Variants in IQGAP1 observed in about 807,000 individuals in gnomAD.
IQGAP1 encodes the protein IQ motif containing GTPase activating protein 1, also known as ras GTPase-activating-like protein IQGAP1.
Under a neutral mutation model 215.6 loss-of-function variants are expected in IQGAP1, and 66 were observed. The observed-to-expected ratio is 0.31, with a 90% CI of 0.25 to 0.38. The LOEUF (loss-of-function observed/expected upper bound fraction) is 0.38, where lower values mean the gene tolerates loss of function less well. IQGAP1 is among the 10% of genes least tolerant of loss of function. The probability of loss-of-function intolerance (pLI) is 1.00; values close to 1 mark genes in which losing one functional copy is unlikely to be tolerated. For synonymous variants in IQGAP1, 772 were observed against 728.7 expected, an observed-to-expected ratio of 1.06 and a Z score of -0.96; for missense variants, 1,712 against 1,997.1, an observed-to-expected ratio of 0.86 and a Z score of 2.72.
intron 37 of IQGAP1, among the ~76,000 whole-genome samples, chr15:90,498,804 C>T (rs1335307428): frequency 1.6e-5 from 2 of 123,442 alleles, no homozygotes; most frequent in African/African-American, 6.4e-5. Flanking sequence ...CACACCATCA[C>T]GCCCGGCTAA....
chr15:90,449,434 C>T, intron 10 of IQGAP1, 125 bp from the exon 11 acceptor site: 1 of 752,780 alleles, frequency 1.3e-6, no homozygotes, highest in South Asian at 2.0e-5. Flanking sequence ...CTGCATGTAG[C>T]CTGAGCTGTC....
chr15:90,481,883 T>C (rs571641197), intron 26 of IQGAP1, 77 bp from the exon 27 acceptor site: 251 of 1,482,436 alleles, frequency 1.7e-4, no homozygotes, highest in Non-Finnish European at 2.2e-4. Flanking sequence ...TTATAGTTTA[T>C]GAAAGATAAG....
intron 10 of IQGAP1, 80 bp downstream of exon 10, chr15:90,448,816 G>A (rs1965560480): frequency 1.6e-6 from 2 of 1,212,292 alleles, no homozygotes; most frequent in Admixed American, 8.1e-5. Context: ...AGATATATAT[G>A]CTGCCTTTGT....
At chr15:90,390,403 A>G (rs1353743043) in intron 1 of IQGAP1, among the ~76,000 whole-genome samples, 1 of 152,228 alleles carries the variant, frequency 6.6e-6, no homozygotes, top group African/African-American at 2.4e-5. Flanking sequence ...ACTGCCACTT[A>G]TGTCTCAATA....
intron 33 of IQGAP1, among the ~76,000 whole-genome samples, chr15:90,490,899 C>T (rs1966193693): frequency 6.6e-6 from 1 of 152,216 alleles, no homozygotes; most frequent in Non-Finnish European, 1.5e-5. Context: ...AGCTCCACCT[C>T]CTGGGTTCAC....
intron 11 of IQGAP1, among the ~76,000 whole-genome samples, chr15:90,450,815 G>GT (rs74753086): frequency 0.22 from 27,497 of 126,882 alleles, 3,786 homozygotes; most frequent in African/African-American, 0.41. Context: ...GTTTTTTTTT[G>GT]TTTTTTTTTT....
chr15:90,482,827 A>G (rs962210938), intron 28 of IQGAP1: 67 of 592,660 alleles, frequency 1.1e-4, no homozygotes, highest in Non-Finnish European at 1.3e-4. Flanking sequence ...TGTGGAAGAG[A>G]TGTGTGTTAA....
chr15:90,492,619 T>C lies in IQGAP1; in HGVS notation c.4536T>C (p.Ala1512=). 1 of 1,614,114 alleles carries C rather than the reference T, an allele frequency of 6.2e-7. No individual in the cohort carries two copies. The highest frequency in any genetic ancestry group is 8.5e-7 in the Non-Finnish European group (1 of 1,179,996). ...TGAAACTGCAACAGACATACGCTGC[T>C]CTGAACTCTAAGGCCACCTTTTATG... ...ELVKLQQTYA[A]LNSKATFYGE... Residue 1512 remains alanine, a synonymous_variant, in exon 35 of 38, where the codon GCT becomes GCC. Transcript: ENST00000268182.
chr15:90,495,372 G>A (rs1966257074), intron 36 of IQGAP1, among the ~76,000 whole-genome samples: 1 of 146,116 alleles, frequency 6.8e-6, no homozygotes, highest in Non-Finnish European at 1.5e-5. Context: ...TCTTTTGTCT[G>A]TTTAGGGGGG....
intron 33 of IQGAP1, 91 bp from the exon 34 acceptor site, chr15:90,491,242 C>T (rs1966199380): frequency 9.5e-7 from 1 of 1,049,118 alleles, no homozygotes; most frequent in Admixed American, 2.4e-5. Context: ...AGTTTAAGAA[C>T]TGTATAAGTT....
At chr15:90,451,925 G>T (rs1343184716) in intron 11 of IQGAP1, among the ~76,000 whole-genome samples, 1 of 151,830 alleles carries the variant, frequency 6.6e-6, no homozygotes, top group East Asian at 1.9e-4. Flanking sequence ...TGACTCCCTG[G>T]TTCAAGCGAT....
chr15:90,415,934 C>G (rs1965040607), intron 2 of IQGAP1, among the ~76,000 whole-genome samples: 1 of 152,152 alleles, frequency 6.6e-6, no homozygotes, highest in South Asian at 2.1e-4. Context: ...TTCTCTACCA[C>G]AGTGACTTAC....
In IQGAP1 at chr15:90,494,815, T is replaced by C. The variant is rs1966250568; in HGVS notation, c.4731T>C (p.Ile1577=). Residue 1577 remains isoleucine (I), a synonymous_variant, in exon 36 of 38, where the codon ATT becomes ATC. Coordinates refer to ENST00000268182, the MANE Select transcript of IQGAP1 (RefSeq NM_003870.4). ...ATGAAAAAGGAGTTCTTCTGGAAAT[T>C]GAGGACCTGCAAGTGAATCAGTGAG... is the stretch of plus-strand genomic sequence containing the variant. ...RLHEKGVLLE[I]EDLQVNQFKN... 2 of 1,606,542 alleles carry C rather than the reference T, an allele frequency of 1.2e-6. No homozygotes were observed. Among genetic ancestry groups the C allele is most frequent in the South Asian group, 2.2e-5 (2 of 89,944 alleles).
chr15:90,492,470 A>AGCATTGCT (rs1279982702), intron 34 of IQGAP1, 75 bp from the exon 35 acceptor site: 20 of 1,086,962 alleles, frequency 1.8e-5, no homozygotes, highest in Non-Finnish European at 2.4e-5. Context: ...GGCAGAGTTA[A>AGCATTGCT]GCATTGCTGG....
rs1333178389 is a variant in IQGAP1 at position 90,501,150 on chromosome 15, A to G, written c.*1042A>G. 2 of 40,926 alleles carry G rather than the reference A, an allele frequency of 4.9e-5. No individual in the cohort carries two copies. The highest frequency in any genetic ancestry group is 1.2e-4 in the Non-Finnish European group (2 of 16,018). 2.5% of individuals were successfully genotyped at this position (40,926 alleles called of 1,614,324 possible). A position where few individuals can be genotyped will look rare whatever the true frequency, so the allele number is the denominator to read the frequency against. On this transcript the variant is annotated 3_prime_UTR_variant, in exon 38 of 38. Coordinates refer to ENST00000268182, the MANE Select transcript of IQGAP1 (RefSeq NM_003870.4). ...AGCTAAAACACTAGGATTTATCTGC[A>G]GTGTTCAGGGAGATAATTCTGCCTT...
At chr15:90,497,363 CA>C (rs548243322) in intron 37 of IQGAP1, 23 bp downstream of exon 37, 2 of 1,184,694 alleles carry the variant, frequency 1.7e-6, no homozygotes, top group Non-Finnish European at 2.5e-6. Flanking sequence ...CAGCAGGAAC[CA>C]AAAACTTTCT....
chr15:90,454,604 G>A (rs1965653474), intron 14 of IQGAP1, 52 bp downstream of exon 14: 2 of 1,493,322 alleles, frequency 1.3e-6, no homozygotes, highest in East Asian at 4.9e-5. Context: ...ATGATGATGT[G>A]ATTCCATGAA....
chr15:90,410,046 T>C (rs1277457711), intron 2 of IQGAP1, among the ~76,000 whole-genome samples: 3 of 152,228 alleles, frequency 2.0e-5, no homozygotes, highest in African/African-American at 7.2e-5. Flanking sequence ...GTTCTGGATA[T>C]TAGCCCTTTG....
intron 15 of IQGAP1, among the ~76,000 whole-genome samples, chr15:90,464,284 C>G (rs891717484): frequency 1.3e-5 from 2 of 152,088 alleles, no homozygotes; most frequent in Non-Finnish European, 2.9e-5. Flanking sequence ...AGAAGATTGC[C>G]CCAGTAATCT....
Sources: gnomAD v4.1 joint callset for allele counts (sites outside exome capture counted in the v4.1 genomes callset) on GRCh38, gnomAD v4.1.1 for gene constraint, MANE v1.5 for transcripts, NCBI Gene and HGNC (gene_info 2026-07-23, HGNC 2026-07-21) for gene names.